The following CPT1A variants were observed in gnomAD, a reference collection of about 807,000 sequenced individuals.
CPT1A encodes carnitine palmitoyltransferase 1A.
In CPT1A, 64 loss-of-function variants were observed where a neutral mutation model predicts 100.8. The observed-to-expected ratio is 0.63, with a 90% CI of 0.52 to 0.78. The LOEUF (loss-of-function observed/expected upper bound fraction) is 0.78. Among genes scored for constraint, CPT1A ranks in the 30% least tolerant of loss-of-function variants. The probability of loss-of-function intolerance (pLI) is 0.00; values close to 1 mark genes in which losing one functional copy is unlikely to be tolerated. For synonymous variants in CPT1A, 363 were observed against 396.0 expected (o/e 0.92, Z 0.99); for missense variants, 802 against 1,034.1 (o/e 0.78, Z 3.08).
chr11:68,804,108 A>G lies in CPT1A; in HGVS notation c.454-7T>C, dbSNP rs780429219. 31 of 1,606,316 alleles carry G rather than the reference A, an allele frequency of 1.9e-5. No individual in the cohort carries two copies. Among genetic ancestry groups the G allele is most frequent in the Middle Eastern group, 1.6e-4 (1 of 6,074 alleles). ...AAAAGATCTTGACCATACCCTGAAG[A>G]GAGAGAATTATATTTTCAGACTACT... On this transcript the variant is annotated splice_polypyrimidine_tract_variant and splice_region_variant and intron_variant, in intron 4 of 18. Transcript: ENST00000265641.
At chr11:68,760,485 G>C (rs1306912783) in intron 16 of CPT1A, 147 bp from the exon 17 acceptor site, 14 of 777,604 alleles carry the variant, frequency 1.8e-5, no homozygotes, top group Non-Finnish European at 3.0e-5. Flanking sequence ...CACTGGCTTG[G>C]GCAGCGTATC....
chr11:68,763,626 T>C lies in CPT1A; in HGVS notation c.1741-865A>G, dbSNP rs76670656. On this transcript the variant is annotated intron_variant, in intron 14 of 18. Coordinates refer to ENST00000265641, the MANE Select transcript of CPT1A (RefSeq NM_001876.4). ...CTGGCAGATGCACAGGGAAGGTCTCTTCCAAAAGCTCCTGTTTTCTGGGTG... is the reference window on the plus strand; with the variant it reads ...CTGGCAGATGCACAGGGAAGGTCTCCTCCAAAAGCTCCTGTTTTCTGGGTG... Among the ~76,000 whole-genome samples, 937 of 152,154 alleles carry C rather than the reference T, an allele frequency of 6.2e-3. 6 individuals are homozygous for C. The highest frequency in any genetic ancestry group is 0.022 in the African/African-American group (907 of 41,488).
Position 68,794,943 on chromosome 11 carries a change from A to G in CPT1A, c.772-32T>C, listed in dbSNP as rs766784979. ...AGCGACAAAGGTGGAGAGAATTTGC[A>G]TAGGGAAAGATAAGCAAATTTAAAT... is the stretch of plus-strand genomic sequence containing the variant. On this transcript the variant is annotated intron_variant, in intron 7 of 18. Transcript: ENST00000265641. 5 of 1,541,768 alleles carry G rather than the reference A, an allele frequency of 3.2e-6. No homozygotes were observed. In the Admixed American group the frequency reaches 8.3e-5, roughly 26 times the overall value.
intron 2 of CPT1A, among the ~76,000 whole-genome samples, chr11:68,814,555 G>A (rs1053801639): frequency 1.6e-4 from 24 of 152,226 alleles, no homozygotes; most frequent in African/African-American, 5.5e-4. Flanking sequence ...TGATCCACCC[G>A]CCTCGGCCTC....
chr11:68,794,131 C>T (rs554595252), intron 8 of CPT1A, among the ~76,000 whole-genome samples: 1 of 152,294 alleles, frequency 6.6e-6, no homozygotes, highest in South Asian at 2.1e-4. Context: ...AGGAGAATTA[C>T]ATCTCAGAAT....
At chr11:68,812,344 G>C (rs11601427) in intron 3 of CPT1A, 93 bp downstream of exon 3, 4 of 1,519,060 alleles carry the variant, frequency 2.6e-6, no homozygotes, top group African/African-American at 1.4e-5. Context: ...ATGGAATCCA[G>C]AACAGTGACA....
At chr11:68,782,029 C>T (rs981852491) in intron 10 of CPT1A, 70 bp from the exon 11 acceptor site, 47 of 1,386,894 alleles carry the variant, frequency 3.4e-5, no homozygotes, top group Non-Finnish European at 4.4e-5. Context: ...TTTGAAATGA[C>T]ACAATCAAAC....
At position 68,822,289 on chromosome 11, in the gene CPT1A, C is replaced by T. The variant is rs185943238; in HGVS notation, c.-13-6802G>A. Among the ~76,000 whole-genome samples, 12 of 152,106 alleles carry T rather than the reference C, an allele frequency of 7.9e-5. No individual in the cohort carries two copies. In the East Asian group the frequency reaches 1.5e-3, roughly 20 times the overall value. ...GCTCACCCCTGTAATCCCAGCACTT[C>T]GCAAGGCCAAGACAGGAGGATTGCT... On this transcript the variant is annotated intron_variant, in intron 1 of 18. Coordinates refer to ENST00000265641, the MANE Select transcript of CPT1A (RefSeq NM_001876.4).
chr11:68,784,709 G>A, intron 10 of CPT1A, 106 bp downstream of exon 10: 2 of 1,099,898 alleles, frequency 1.8e-6, no homozygotes, highest in Non-Finnish European at 2.7e-6. Context: ...GCCGAGGTGG[G>A]GAGTCCCGTG....
chr11:68,795,684 C>T (rs576477741), intron 7 of CPT1A, among the ~76,000 whole-genome samples: 10 of 152,238 alleles, frequency 6.6e-5, no homozygotes, highest in African/African-American at 1.4e-4. Context: ...CCGAGGCGCA[C>T]GGATCACCTG....
Position 68,773,276 on chromosome 11 carries a change from C to A in CPT1A, c.1729G>T (p.Ala577Ser), listed in dbSNP as rs1358069634. The change falls in exon 14 of 19, where the codon GCG becomes TCG. Residue 577 changes from alanine (A) to serine (S), a missense_variant. Ala to Ser is a moderately conservative substitution (Grantham distance 99). Around this residue, in one of 4 missense-constraint regions of CPT1A, gnomAD observed 627 missense variants for 799.3 expected, o/e 0.78. Transcript: ENST00000265641. ...CGGTCAGTTCTTACCTTGTAGTGCGCCAGCTGGAGGGCCAGCTGCACAAAG... is the reference window on the plus strand; with the variant it reads ...CGGTCAGTTCTTACCTTGTAGTGCGACAGCTGGAGGGCCAGCTGCACAAAG... ...DAFVQLALQL[A>S]HYKDMGKFCL... 5 of 1,613,966 alleles carry A rather than the reference C, an allele frequency of 3.1e-6. No homozygotes were observed. Among genetic ancestry groups the A allele is most frequent in the Non-Finnish European group, 4.2e-6 (5 of 1,180,024 alleles).
intron 3 of CPT1A, among the ~76,000 whole-genome samples, chr11:68,808,655 C>T (rs1856114605): frequency 6.6e-6 from 1 of 151,852 alleles, no homozygotes; most frequent in Admixed American, 6.6e-5. Context: ...AGGTGTGTGC[C>T]ACTGTGCCTG....
At chr11:68,820,137 C>T (rs1191153991) in intron 1 of CPT1A, among the ~76,000 whole-genome samples, 1 of 146,522 alleles carries the variant, frequency 6.8e-6, no homozygotes, top group Non-Finnish European at 1.5e-5. Flanking sequence ...TCAGGTGATC[C>T]TCCCACCTCA....
chr11:68,828,804 C>T (rs1856808441), intron 1 of CPT1A, among the ~76,000 whole-genome samples: 1 of 152,320 alleles, frequency 6.6e-6, no homozygotes, highest in East Asian at 1.9e-4. Flanking sequence ...TACAACTAAA[C>T]CGTTAGTCTC....
chr11:68,840,439 C>A (rs1317854834), intron 1 of CPT1A, among the ~76,000 whole-genome samples: 1 of 152,194 alleles, frequency 6.6e-6, no homozygotes, highest in Non-Finnish European at 1.5e-5. Context: ...AATGGTGTAA[C>A]AAAATACAAC....
intron 13 of CPT1A, among the ~76,000 whole-genome samples, chr11:68,774,736 C>G (rs183290954): frequency 1.4e-5 from 2 of 146,716 alleles, no homozygotes; most frequent in African/African-American, 2.5e-5. Flanking sequence ...GAGCTGAGAT[C>G]GCGCCATTGC....
At chr11:68,836,871 G>T (rs1594382139) in intron 1 of CPT1A, among the ~76,000 whole-genome samples, 1 of 150,202 alleles carries the variant, frequency 6.7e-6, no homozygotes, top group African/African-American at 2.5e-5. Flanking sequence ...AAGGAAGGAA[G>T]GAAGGAATGA....
rs1410508224 is a variant in CPT1A, at chr11:68,755,386, A to G, written c.*2258T>C. The G allele has an allele frequency of 6.5e-6, 1 of 154,990 alleles. No individual in the cohort carries two copies. The highest frequency in any genetic ancestry group is 1.5e-5 in the Non-Finnish European group (1 of 68,526). 9.6% of individuals were successfully genotyped at this position (154,990 alleles called of 1,614,324 possible). A position where few individuals can be genotyped will look rare whatever the true frequency, so the allele number is the denominator to read the frequency against. On this transcript the variant is annotated 3_prime_UTR_variant, in exon 19 of 19. Coordinates refer to ENST00000265641, the MANE Select transcript of CPT1A (RefSeq NM_001876.4). ...CATCCCCGCTGCCTGCTTGACGGAC[A>G]GTCAGGGGCTTTTGTTGTTGGTTTG...
At chr11:68,774,403 C>A (rs892235465) in intron 13 of CPT1A, among the ~76,000 whole-genome samples, 12 of 151,992 alleles carry the variant, frequency 7.9e-5, no homozygotes, top group African/African-American at 2.4e-4. Context: ...GACGTCATCA[C>A]ACAGTGGCAA....
Sources: allele counts gnomAD v4.1 joint callset (sites outside exome capture counted in the v4.1 genomes callset), GRCh38; gene constraint gnomAD v4.1.1; regional missense constraint gnomAD v4.1.1; transcripts MANE v1.5; gene names NCBI Gene and HGNC (gene_info 2026-07-23, HGNC 2026-07-21).